The following ZDHHC13 variants were observed in gnomAD, a reference collection of about 807,000 sequenced individuals.
ZDHHC13 encodes palmitoyltransferase ZDHHC13.
ZDHHC13 carries 85 observed loss-of-function variants against 86.0 expected under a neutral mutation model. The ratio of observed to expected loss-of-function variants is 0.99; its 90% CI spans 0.83 to 1.18. The LOEUF is 1.18. Among genes scored for constraint, ZDHHC13 ranks in the 50% most tolerant of loss-of-function variants. The pLI is 0.00. For synonymous variants in ZDHHC13, 263 were observed against 246.4 expected, an observed-to-expected ratio of 1.07 and a Z score of -0.63; for missense variants, 711 against 730.2, an observed-to-expected ratio of 0.97 and a Z score of 0.30.
Position 19,147,656 on chromosome 11 carries a change from T to C in ZDHHC13, c.357T>C (p.Pro119=), listed in dbSNP as rs777706659. 1.9e-6 allele frequency: 3 copies of C among 1,601,572 alleles called. No homozygotes were observed. ...TGGGTGGAGATTTAAATTCAACTCC[T>C]CTTCACTGGGCCATCCGGTAAGGTT... is the stretch of plus-strand genomic sequence containing the variant. ...DQLGGDLNST[P]LHWAIRQGHL... is the part of the protein sequence containing the mutation. The change falls in exon 4 of 17, where the codon CCT becomes CCC. Residue 119 remains proline, a synonymous_variant. Transcript: ENST00000446113.
At chr11:19,169,468 G>T in intron 14 of ZDHHC13, 1 of 985,482 alleles carries the variant, frequency 1.0e-6, no homozygotes. Context: ...TGACAGGAAA[G>T]TCATAGACTC....
intron 10 of ZDHHC13, among the ~76,000 whole-genome samples, chr11:19,162,552 T>A (rs1169740785): frequency 1.3e-5 from 2 of 152,094 alleles, no homozygotes; most frequent in East Asian, 1.9e-4. Flanking sequence ...ACATTTTAGG[T>A]CAGTGAACCA....
chr11:19,126,134 T>C (rs1371530975), intron 1 of ZDHHC13, among the ~76,000 whole-genome samples: 2 of 152,116 alleles, frequency 1.3e-5, no homozygotes, highest in Non-Finnish European at 2.9e-5. Context: ...TTTAAAAACT[T>C]TTGTTTTAGG....
chr11:19,145,165 G>A (rs1212375747), intron 2 of ZDHHC13, among the ~76,000 whole-genome samples: 6 of 151,420 alleles, frequency 4.0e-5, no homozygotes, highest in African/African-American at 1.2e-4. Context: ...TATGAAATAT[G>A]TCTTTTTAAT....
At chr11:19,170,375 CTTTTT>C (rs55637113) in intron 14 of ZDHHC13, 31 bp from the exon 15 acceptor site, 1,492 of 1,230,034 alleles carry the variant, frequency 1.2e-3, no homozygotes, top group East Asian at 3.9e-3. Context: ...AGTTTATTGC[CTTTTT>C]TTTTTTTTTT....
intron 10 of ZDHHC13, among the ~76,000 whole-genome samples, chr11:19,160,147 A>C (rs1297753389): frequency 1.3e-5 from 2 of 152,032 alleles, no homozygotes; most frequent in African/African-American, 2.4e-5. Flanking sequence ...CTCAAAGTAC[A>C]TATGTCCACA....
chr11:19,118,318 A>G (rs1848690968), intron 1 of ZDHHC13, among the ~76,000 whole-genome samples: 1 of 152,188 alleles, frequency 6.6e-6, no homozygotes. Flanking sequence ...CCCTTCTTTC[A>G]GCACGATCTT....
chr11:19,128,278 C>T (rs751757159), intron 1 of ZDHHC13, among the ~76,000 whole-genome samples: 14 of 151,928 alleles, frequency 9.2e-5, no homozygotes, highest in South Asian at 2.1e-4. Context: ...GGAATGCTAA[C>T]GATTTTTGTA....
At chr11:19,149,112 T>G in intron 4 of ZDHHC13, 75 bp from the exon 5 acceptor site, 7 of 1,282,224 alleles carry the variant, frequency 5.5e-6, no homozygotes, top group Non-Finnish European at 6.1e-6. Context: ...CCTCATGTCT[T>G]AGGAATATCA....
At chr11:19,150,600 T>C in intron 5 of ZDHHC13, 127 bp from the exon 6 acceptor site, 1 of 726,696 alleles carries the variant, frequency 1.4e-6, no homozygotes, top group South Asian at 2.8e-5. Flanking sequence ...TTTTATCAAA[T>C]GATATTTGAG....
Position 19,149,179 on chromosome 11 carries a change from A to T in ZDHHC13, c.375-8A>T, listed in dbSNP as rs765176535. The T allele has an allele frequency of 1.3e-6, 2 of 1,529,472 alleles. No homozygotes were observed. Among genetic ancestry groups the T allele is most frequent in the Admixed American group, 1.9e-5 (1 of 53,844 alleles). The allele number at this position is 1,529,472 out of a possible 1,614,324, so 94.7% of individuals were successfully genotyped here. A position where few individuals can be genotyped will look rare whatever the true frequency, so the allele number is the denominator to read the frequency against. On this transcript the variant is annotated splice_region_variant and splice_polypyrimidine_tract_variant and intron_variant, in intron 4 of 16. Coordinates refer to ENST00000446113, the MANE Select transcript of ZDHHC13 (RefSeq NM_019028.3). ...GCTACAGAATGGCTTTTTGTCTTCTATTTGCAGACAAGGACATTTACCTAT... is the reference window on the plus strand; with the variant it reads ...GCTACAGAATGGCTTTTTGTCTTCTTTTTGCAGACAAGGACATTTACCTAT...
In ZDHHC13 at chr11:19,166,487, C is replaced by A. The variant is rs1850073314; in HGVS notation, c.1474+102C>A. 6.8e-6 allele frequency: 6 copies of A among 879,712 alleles called. No individual in the cohort carries two copies. In the East Asian group the frequency reaches 1.7e-4, roughly 24 times the overall value. The allele number at this position is 879,712 out of a possible 1,614,324, so 54.5% of individuals were successfully genotyped here. On this transcript the variant is annotated intron_variant, in intron 14 of 16. Transcript: ENST00000446113. ...CACATTCTGGCTGGGTGACTATAAA[C>A]CATACTCCTAATAAAAACAAAGCAA...
At chr11:19,152,089 T>C in intron 6 of ZDHHC13, 69 bp from the exon 7 acceptor site, 1 of 1,504,846 alleles carries the variant, frequency 6.6e-7, no homozygotes, top group African/African-American at 1.4e-5. Flanking sequence ...AAAAGATTCA[T>C]AATTTGCATT....
At position 19,176,001 on chromosome 11, in the gene ZDHHC13, TTA is replaced by T. The variant is rs1850355359; in HGVS notation, c.*43_*44del. 6.4e-7 allele frequency: 1 copy of T among 1,573,278 alleles called. No homozygotes were observed. Among genetic ancestry groups the T allele is most frequent in the Non-Finnish European group, 8.6e-7 (1 of 1,164,118 alleles). On this transcript the variant is annotated 3_prime_UTR_variant, in exon 17 of 17. Coordinates refer to ENST00000446113, the MANE Select transcript of ZDHHC13 (RefSeq NM_019028.3). Reference sequence around the variant, plus strand: ...AACTCTCAATCTGATTTGTTTTTGTTTATGTCGATGCCCTGTAGTTTGAAAGT... The same window carrying T: ...AACTCTCAATCTGATTTGTTTTTGTTTGTCGATGCCCTGTAGTTTGAAAGT...
intron 16 of ZDHHC13, among the ~76,000 whole-genome samples, chr11:19,173,030 T>C (rs1426999187): frequency 6.6e-6 from 1 of 152,240 alleles, no homozygotes; most frequent in African/African-American, 2.4e-5. Context: ...GTTAGTTTAC[T>C]GGACACAGCA....
intron 13 of ZDHHC13, 70 bp downstream of exon 13, chr11:19,165,215 G>A: frequency 4.8e-6 from 7 of 1,454,126 alleles, no homozygotes; most frequent in Non-Finnish European, 6.6e-6. Context: ...CACAGAAAAA[G>A]TGGAAGGGCA....
chr11:19,134,029 A>AT (rs1473629210), intron 1 of ZDHHC13, among the ~76,000 whole-genome samples: 3 of 151,162 alleles, frequency 2.0e-5, no homozygotes, highest in Non-Finnish European at 4.4e-5. Context: ...AGTCTCTTTT[A>AT]TATGGCTCTG....
At chr11:19,146,094 A>G (rs1849456260) in intron 2 of ZDHHC13, 87 bp from the exon 3 acceptor site, 5 of 1,314,262 alleles carry the variant, frequency 3.8e-6, no homozygotes, top group Non-Finnish European at 5.2e-6. Context: ...CAGTTTGGAT[A>G]GTGAAAAGAT....
At chr11:19,130,097 A>G (rs1848962075) in intron 1 of ZDHHC13, among the ~76,000 whole-genome samples, 1 of 152,114 alleles carries the variant, frequency 6.6e-6, no homozygotes, top group Non-Finnish European at 1.5e-5. Flanking sequence ...TAAAAAAAAA[A>G]GAGCTGGGAA....
Sources: allele counts gnomAD v4.1 joint callset (sites outside exome capture counted in the v4.1 genomes callset), GRCh38; gene constraint gnomAD v4.1.1; transcripts MANE v1.5; gene names NCBI Gene and HGNC (gene_info 2026-07-23, HGNC 2026-07-21).